Variants in ANO10 observed in about 807,000 individuals in gnomAD.
ANO10 encodes the protein anoctamin-10.
ANO10 carries 77 observed loss-of-function variants against 74.7 expected under a neutral mutation model. The ratio of observed to expected loss-of-function variants is 1.03; its 90% CI spans 0.86 to 1.25. The LOEUF is 1.25. Among genes scored for constraint, ANO10 ranks in the 50% most tolerant of loss-of-function variants. ANO10 has a pLI of 0.00. For synonymous variants in ANO10, 279 were observed against 284.9 expected (o/e 0.98, Z 0.21); for missense variants, 721 against 778.1 (o/e 0.93, Z 0.87).
chr3:43,573,506 T>C (rs1429053656), intron 7 of ANO10, among the ~76,000 whole-genome samples: 2 of 152,226 alleles, frequency 1.3e-5, no homozygotes, highest in Admixed American at 1.3e-4. Flanking sequence ...AAAGAGGGCC[T>C]GCATCCTTCT....
At chr3:43,628,891 C>T (rs1025249630) in intron 1 of ANO10, among the ~76,000 whole-genome samples, 3 of 152,240 alleles carry the variant, frequency 2.0e-5, no homozygotes, top group East Asian at 1.9e-4. Context: ...CAATGGTGCC[C>T]GAAACTTCAT....
chr3:43,609,301 T>G (rs2082704906), intron 1 of ANO10, among the ~76,000 whole-genome samples: 1 of 152,330 alleles, frequency 6.6e-6, no homozygotes, highest in African/African-American at 2.4e-5. Flanking sequence ...CATACAACTC[T>G]GTTGAAGATG....
At position 43,639,743 on chromosome 3, in the gene ANO10, T is replaced by C. The variant is rs536860959; in HGVS notation, c.-11-33880A>G. Reference sequence around the variant, plus strand: ...GTGAGCTGAGATCGCACCACAGCACTCCAGCCTGGCGACAGAGTAAGACTC... The same window carrying C: ...GTGAGCTGAGATCGCACCACAGCACCCCAGCCTGGCGACAGAGTAAGACTC... On this transcript the variant is annotated intron_variant, in intron 1 of 3. Coordinates refer to the ANO10 transcript ENST00000413397. Among the ~76,000 whole-genome samples the C allele has an allele frequency of 4.8e-4, 69 of 144,766 alleles. No individual in the cohort carries two copies. The South Asian group carries it at 9.5e-3, about 20-fold the overall frequency. 95.0% of individuals were successfully genotyped at this position (144,766 alleles called of 152,430 possible). A position where few individuals can be genotyped will look rare whatever the true frequency, so the allele number is the denominator to read the frequency against.
At chr3:43,564,235 C>T (rs1252747828) in intron 8 of ANO10, among the ~76,000 whole-genome samples, 3 of 151,990 alleles carry the variant, frequency 2.0e-5, no homozygotes, top group East Asian at 1.9e-4. Flanking sequence ...GATTTTGCCA[C>T]GTTGCCCAGG....
intron 11 of ANO10, among the ~76,000 whole-genome samples, chr3:43,489,958 C>T (rs555552145): frequency 3.3e-5 from 5 of 152,138 alleles, no homozygotes; most frequent in African/African-American, 7.2e-5. Context: ...TCTGTTATAA[C>T]GAATCACTGG....
chr3:43,568,637 C>T lies in ANO10; in HGVS notation c.1219-2910G>A, dbSNP rs1172549854. Among the ~76,000 whole-genome samples the T allele has an allele frequency of 1.0e-4, 15 of 147,912 alleles. No individual in the cohort carries two copies. The South Asian group carries it at 1.1e-3, about 11-fold the overall frequency. On this transcript the variant is annotated intron_variant, in intron 7 of 12. Transcript: ENST00000292246. ...AAATAAAGATGTTCTTTGAAACCAA[C>T]GAGAACAAAGACACAACATACCAGA...
intron 1 of ANO10, among the ~76,000 whole-genome samples, chr3:43,631,066 C>T (rs537259665): frequency 3.1e-4 from 47 of 152,276 alleles, no homozygotes; most frequent in Admixed American, 1.9e-3. Flanking sequence ...CTTTACTTCT[C>T]CCAAGCCAAA....
intron 10 of ANO10, among the ~76,000 whole-genome samples, chr3:43,551,914 T>C (rs2079481140): frequency 6.6e-6 from 1 of 152,204 alleles, no homozygotes; most frequent in Admixed American, 6.5e-5. Context: ...TGTTTGACCA[T>C]TTACAGGTAA....
chr3:43,691,061 C>T (rs770435691), intron 1 of ANO10: 1 of 1,533,698 alleles, frequency 6.5e-7, no homozygotes, highest in South Asian at 1.2e-5. Flanking sequence ...CGGCAGGGGG[C>T]TTCGTGTGTC....
chr3:43,417,945 T>C lies in ANO10; in HGVS notation c.1914+14666A>G, dbSNP rs1311951595. Among the ~76,000 whole-genome samples the C allele has an allele frequency of 1.1e-4, 16 of 152,238 alleles. No homozygotes were observed. In the South Asian group the frequency reaches 3.3e-3, roughly 32 times the overall value. Reference sequence around the variant, plus strand: ...AGCAATGATATCAAAGTCCAAAGAATTGTCTTGGATGTTAAACTGGAGGTA... The same window carrying C: ...AGCAATGATATCAAAGTCCAAAGAACTGTCTTGGATGTTAAACTGGAGGTA... On this transcript the variant is annotated intron_variant, in intron 12 of 12. Coordinates refer to ENST00000292246, the MANE Select transcript of ANO10 (RefSeq NM_018075.5).
chr3:43,383,555 T>C (rs2092033250), intron 12 of ANO10, among the ~76,000 whole-genome samples: 1 of 150,140 alleles, frequency 6.7e-6, no homozygotes, highest in African/African-American at 2.5e-5. Flanking sequence ...AAATGTGATA[T>C]ACCACATAAA....
At chr3:43,551,618 A>C (rs1438756181) in intron 10 of ANO10, 1 of 455,410 alleles carries the variant, frequency 2.2e-6, no homozygotes, top group Admixed American at 2.4e-5. Context: ...ATTTGTTTGC[A>C]TATTCCAAAA....
At position 43,609,350 on chromosome 3, in the gene ANO10, T is replaced by C. The variant is rs578182080; in HGVS notation, c.-11-3487A>G. ...AAGATAAAATGACAAAGTGAAACCA[T>C]ATTACAGAATCTTCTGACCTAAAGC... On this transcript the variant is annotated intron_variant, in intron 1 of 12. Transcript: ENST00000292246. 3.3e-5 allele frequency among the ~76,000 whole-genome samples: 5 copies of C among 152,194 alleles called. No homozygotes were observed. The East Asian group carries it at 9.6e-4, about 29-fold the overall frequency.
At chr3:43,614,068 A>T (rs993743970) in intron 1 of ANO10, among the ~76,000 whole-genome samples, 2 of 152,224 alleles carry the variant, frequency 1.3e-5, no homozygotes, top group African/African-American at 2.4e-5. Flanking sequence ...TGAAAAAAAT[A>T]GCAAAGTTGG....
intron 5 of ANO10, among the ~76,000 whole-genome samples, chr3:43,579,970 C>G (rs144546493): frequency 6.6e-6 from 1 of 151,804 alleles, no homozygotes; most frequent in African/African-American, 2.4e-5. Flanking sequence ...CTGAGCAACA[C>G]GGCAAAACCC....
intron 1 of ANO10, chr3:43,690,896 G>C: frequency 7.4e-7 from 1 of 1,350,418 alleles, no homozygotes; most frequent in East Asian, 3.0e-5. Context: ...ATGCGCTGGC[G>C]GCCTGCGCCG....
In ANO10 at chr3:43,598,633, C is replaced by T; in HGVS notation, c.371G>A (p.Cys124Tyr). 6.2e-7 allele frequency: 1 copy of T among 1,609,542 alleles called. No individual in the cohort carries two copies. Among genetic ancestry groups the T allele is most frequent in the Non-Finnish European group, 8.5e-7 (1 of 1,177,422 alleles). Reference protein sequence around the residue: ...NNDDFLTMAECQFIIKHELEN... With the variant: ...NNDDFLTMAEYQFIIKHELEN... ...AAGTTCATGTTTGATAATGAATTGA[C>T]ATTCTGCCATTGTCAGGAAATCATC... The change falls in exon 4 of 13, where the codon TGT (cysteine) becomes TAT (tyrosine). Residue 124 changes from cysteine to tyrosine, a missense_variant. By Grantham distance (194) the Cys-to-Tyr change is radical (BLOSUM62 -2). Transcript: ENST00000292246.
chr3:43,550,507 T>C (rs147726978), intron 10 of ANO10, among the ~76,000 whole-genome samples: 312 of 152,334 alleles, frequency 2.0e-3, no homozygotes, highest in African/African-American at 7.0e-3. Flanking sequence ...ACAAAGTATA[T>C]GGTGATCACC....
intron 11 of ANO10, among the ~76,000 whole-genome samples, chr3:43,545,766 C>T (rs1559677655): frequency 6.6e-6 from 1 of 152,210 alleles, no homozygotes; most frequent in African/African-American, 2.4e-5. Flanking sequence ...AGTTATACAA[C>T]ATATTTTGAA....
Sources: gnomAD v4.1 joint callset for allele counts (sites outside exome capture counted in the v4.1 genomes callset) on GRCh38, gnomAD v4.1.1 for gene constraint, MANE v1.5 for transcripts, NCBI Gene and HGNC (gene_info 2026-07-23, HGNC 2026-07-21) for gene names.